The following GPC3 variants were observed in gnomAD, a reference collection of about 807,000 sequenced individuals.
GPC3 encodes the protein glypican 3.
A neutral mutation model predicts 34.4 loss-of-function variants in GPC3; 3 were observed. The ratio of observed to expected loss-of-function variants is 0.09; its 90% CI spans 0.04 to 0.23. The LOEUF (loss-of-function observed/expected upper bound fraction) is 0.23, where lower values mean the gene tolerates loss of function less well. Ranked by LOEUF, GPC3 falls within the 10% of genes least tolerant of loss-of-function variation. The probability of loss-of-function intolerance (pLI) is 1.00; values close to 1 mark genes in which losing one functional copy is unlikely to be tolerated. For missense variants in GPC3, 351 were observed against 445.6 expected (o/e 0.79, Z 1.91); for synonymous variants, 177 against 174.0 (o/e 1.02, Z -0.13).
intron 2 of GPC3, among the ~76,000 whole-genome samples, chrX:133,913,836 T>C (rs1012955703): frequency 2.7e-5 from 3 of 109,710 alleles, no homozygotes; most frequent in Non-Finnish European, 3.8e-5. Context: ...TTTGGTGGCC[T>C]CCCTGCAGAG....
At chrX:133,807,464 A>G (rs768353605) in intron 2 of GPC3, among the ~76,000 whole-genome samples, 39 of 112,040 alleles carry the variant, frequency 3.5e-4, no homozygotes, top group South Asian at 3.8e-4. Context: ...CAAATGGACT[A>G]AGACACCAGG....
chrX:133,625,523 C>A, intron 6 of GPC3, among the ~76,000 whole-genome samples: 1 of 111,695 alleles, frequency 9.0e-6, no homozygotes, highest in East Asian at 2.8e-4. Flanking sequence ...ACACCAATAA[C>A]AGACAAACAG....
Position 133,536,148 on chromosome X carries a change from C to T in GPC3, c.1719G>A (p.Val573=), listed in dbSNP as rs1421511654. The T allele has an allele frequency of 1.7e-6, 2 of 1,198,833 alleles. No homozygotes were observed. Among genetic ancestry groups the T allele is most frequent in the Admixed American group, 4.4e-5 (2 of 45,023 alleles). The change falls in exon 8 of 8, where the codon GTG becomes GTA. Residue 573 remains valine, a synonymous_variant. Coordinates refer to ENST00000370818, the MANE Select transcript of GPC3 (RefSeq NM_004484.4). ...GTCAGTGCACCAGGAAGAAGAAGCA[C>T]ACCACCGAGATGGCCATGCTGGTGA... ...KLLTSMAISV[V]CFFFLVH
At chrX:133,949,896 A>C (rs752509999) in intron 2 of GPC3, among the ~76,000 whole-genome samples, 3 of 112,315 alleles carry the variant, frequency 2.7e-5, no homozygotes, top group Non-Finnish European at 5.6e-5. Context: ...GCTCAGAAGA[A>C]GCTGTGGCAT....
intron 2 of GPC3, among the ~76,000 whole-genome samples, chrX:133,796,436 A>T (rs1285040358): frequency 8.9e-6 from 1 of 112,462 alleles, no homozygotes; most frequent in Admixed American, 9.4e-5. Context: ...CTACAGTAAC[A>T]CTAAGAAAGG....
At chrX:133,642,790 A>G (rs1482671310) in intron 6 of GPC3, among the ~76,000 whole-genome samples, 128 of 106,036 alleles carry the variant, frequency 1.2e-3, no homozygotes, top group Middle Eastern at 4.8e-3. Context: ...AAAAAAAAAA[A>G]AAAGAAAGAA....
Position 133,796,091 on chromosome X carries a change from C to T in GPC3, c.338-41915G>A, listed in dbSNP as rs1216480779. ...CTGCCGAGTAGCTGGGACTACAGGC[C>T]CCGCCACCACGCCCGGCTAATTTTT... On this transcript the variant is annotated intron_variant, in intron 2 of 7. Transcript: ENST00000370818. Among the ~76,000 whole-genome samples the T allele has an allele frequency of 2.8e-5, 3 of 108,474 alleles. No individual in the cohort carries two copies. In the Admixed American group the frequency reaches 3.0e-4, roughly 11 times the overall value. 94.2% of individuals were successfully genotyped at this position (108,474 alleles called of 115,157 possible).
At chrX:133,874,963 AAG>A (rs1376668275) in intron 2 of GPC3, among the ~76,000 whole-genome samples, 1 of 112,269 alleles carries the variant, frequency 8.9e-6, no homozygotes, top group Non-Finnish European at 1.9e-5. Flanking sequence ...AAGACAGAAA[AAG>A]AGAAAACAAG....
chrX:133,607,323 C>T (rs758513831), intron 6 of GPC3, among the ~76,000 whole-genome samples: 44 of 111,615 alleles, frequency 3.9e-4, no homozygotes, highest in African/African-American at 1.3e-3. Flanking sequence ...CTGGGACTAG[C>T]ACAATGCCTG....
chrX:133,936,086 T>C (rs1443433049), intron 2 of GPC3, among the ~76,000 whole-genome samples: 1 of 108,278 alleles, frequency 9.2e-6, no homozygotes, highest in Non-Finnish European at 1.9e-5. Context: ...CTTATTATTA[T>C]TATTATTATC....
rs1434459228 is a variant in GPC3, at chrX:133,651,754, C to T, written c.1413+9976G>A. ...TAAGCACAAAGTTAATAACCAAAGG[C>T]CTCACTCTGGGCTGATATTGATACA... On this transcript the variant is annotated intron_variant, in intron 6 of 7. Coordinates refer to ENST00000370818, the MANE Select transcript of GPC3 (RefSeq NM_004484.4). Among the ~76,000 whole-genome samples, 7 of 111,962 alleles carry T rather than the reference C, an allele frequency of 6.3e-5. No homozygotes were observed. In the Admixed American group the frequency reaches 6.6e-4, roughly 11 times the overall value.
At chrX:133,751,617 T>C (rs898451090) in intron 3 of GPC3, among the ~76,000 whole-genome samples, 1 of 112,134 alleles carries the variant, frequency 8.9e-6, no homozygotes, top group Non-Finnish European at 1.9e-5. Context: ...AGAAACTAAT[T>C]ACTCCTAGAG....
At chrX:133,766,811 G>T (rs2071851511) in intron 2 of GPC3, among the ~76,000 whole-genome samples, 1 of 111,996 alleles carries the variant, frequency 8.9e-6, no homozygotes, top group African/African-American at 3.2e-5. Flanking sequence ...TTCTTCAAGG[G>T]CAAATATTGC....
intron 2 of GPC3, among the ~76,000 whole-genome samples, chrX:133,794,507 A>T (rs1448259616): frequency 2.7e-5 from 3 of 111,573 alleles, no homozygotes; most frequent in African/African-American, 6.5e-5. Context: ...AAAGGCACAC[A>T]TTTGGCTTTG....
intron 3 of GPC3, among the ~76,000 whole-genome samples, chrX:133,718,647 G>A (rs1260538657): frequency 1.8e-5 from 2 of 110,992 alleles, no homozygotes; most frequent in African/African-American, 6.5e-5. Context: ...ACAATCAGAA[G>A]GCAGGGATGG....
chrX:133,537,775 A>G (rs948720634), intron 7 of GPC3, among the ~76,000 whole-genome samples: 2 of 111,498 alleles, frequency 1.8e-5, no homozygotes, highest in Non-Finnish European at 3.8e-5. Context: ...AACTTTTCCT[A>G]TGTTTTAGTT....
At chrX:133,800,652 C>T (rs765693653) in intron 2 of GPC3, among the ~76,000 whole-genome samples, 8 of 111,655 alleles carry the variant, frequency 7.2e-5, no homozygotes, top group African/African-American at 2.3e-4. Flanking sequence ...AGTAATACGG[C>T]GGGCTACAAA....
At chrX:133,748,221 A>G (rs965101235) in intron 3 of GPC3, among the ~76,000 whole-genome samples, 1 of 112,288 alleles carries the variant, frequency 8.9e-6, no homozygotes, top group Non-Finnish European at 1.9e-5. Context: ...AGCAATCAAA[A>G]TGGTTTTCAG....
chrX:133,629,620 T>A (rs1424959702), intron 6 of GPC3, among the ~76,000 whole-genome samples: 1 of 107,659 alleles, frequency 9.3e-6, no homozygotes, highest in Non-Finnish European at 1.9e-5. Flanking sequence ...GGTCTAGAAC[T>A]CCTGACCTCG....
Sources: allele counts gnomAD v4.1 joint callset (sites outside exome capture counted in the v4.1 genomes callset), GRCh38; gene constraint gnomAD v4.1.1; transcripts MANE v1.5; gene names NCBI Gene and HGNC (gene_info 2026-07-23, HGNC 2026-07-21).